FBXO7: variants seen among roughly 807,000 people sequenced by gnomAD.
FBXO7 encodes F-box only protein 7.
FBXO7 carries 31 observed loss-of-function variants against 50.2 expected under a neutral mutation model. That is an observed-to-expected ratio of 0.62 (90% CI 0.46 to 0.83). The LOEUF is 0.83. Ranked by LOEUF, FBXO7 falls within the 40% of genes least tolerant of loss-of-function variation. The probability of loss-of-function intolerance (pLI) is 0.00; values close to 1 mark genes in which losing one functional copy is unlikely to be tolerated. For synonymous variants in FBXO7, 256 were observed against 253.1 expected (o/e 1.01, Z -0.11); for missense variants, 667 against 646.6 (o/e 1.03, Z -0.34).
At chr22:32,484,196 G>T in intron 3 of FBXO7, 72 bp downstream of exon 3, 1 of 1,371,556 alleles carries the variant, frequency 7.3e-7, no homozygotes, top group Admixed American at 1.7e-5. Context: ...CTCTCAAGTT[G>T]CCCGTAGTCT....
chr22:32,487,763 A>T lies in FBXO7; in HGVS notation c.806A>T (p.Asn269Ile). Residue 269 changes from asparagine to isoleucine, a missense_variant, in exon 5 of 9, where the codon AAT becomes ATT. Transcript: ENST00000266087. ...TTTACAGCTACACTAAAAATCAACA[A>T]TGAGATTAGAAGTGTGAAAAGATTG... The part of the protein sequence containing the change: ...IVVNATLKIN[N>I]EIRSVKRLQL... The T allele has an allele frequency of 6.2e-7, 1 of 1,607,938 alleles. No homozygotes were observed.
At chr22:32,476,039 G>A (rs2057426309) in intron 1 of FBXO7, 1 of 152,108 alleles carries the variant, frequency 6.6e-6, no homozygotes, top group Non-Finnish European at 1.5e-5. Flanking sequence ...GATGTTCCCT[G>A]GGGATTTTTA....
intron 6 of FBXO7, chr22:32,491,704 T>C (rs2057538369): frequency 6.6e-6 from 1 of 151,968 alleles, no homozygotes; most frequent in Admixed American, 6.6e-5. Context: ...AGGCACTTAG[T>C]TGGATATTTC....
At chr22:32,479,888 A>G (rs530695556) in intron 2 of FBXO7, among the ~76,000 whole-genome samples, 145 of 152,236 alleles carry the variant, frequency 9.5e-4, no homozygotes, top group African/African-American at 3.4e-3. Context: ...TGGTCCGCTC[A>G]TTAAGGCTAT....
At chr22:32,485,996 G>A (rs1333253927) in intron 4 of FBXO7, among the ~76,000 whole-genome samples, 1 of 152,146 alleles carries the variant, frequency 6.6e-6, no homozygotes, top group African/African-American at 2.4e-5. Context: ...TGGGAGGGCT[G>A]CGTTTGTTGT....
chr22:32,497,057 G>T (rs2057579731), intron 8 of FBXO7, among the ~76,000 whole-genome samples: 1 of 152,246 alleles, frequency 6.6e-6, no homozygotes, highest in African/African-American at 2.4e-5. Flanking sequence ...AGAATTAGAA[G>T]TGGAGCCTGA....
intron 4 of FBXO7, among the ~76,000 whole-genome samples, chr22:32,485,741 A>T (rs1022077434): frequency 4.6e-5 from 7 of 152,170 alleles, no homozygotes; most frequent in African/African-American, 1.7e-4. Flanking sequence ...GCCTCCCCCA[A>T]CAAATGTCAC....
chr22:32,481,370 C>T (rs2057463802), intron 2 of FBXO7, among the ~76,000 whole-genome samples: 11 of 152,120 alleles, frequency 7.2e-5, no homozygotes, highest in Admixed American at 7.2e-4. Flanking sequence ...GGGGCCATTA[C>T]TTTTACTTCT....
chr22:32,478,433 C>A (rs1007282958), intron 1 of FBXO7, among the ~76,000 whole-genome samples: 1 of 152,128 alleles, frequency 6.6e-6, no homozygotes, highest in Non-Finnish European at 1.5e-5. Flanking sequence ...AAAATTTGTG[C>A]ATCTTAGAAT....
intron 2 of FBXO7, among the ~76,000 whole-genome samples, chr22:32,481,140 A>G (rs2057462236): frequency 6.6e-6 from 1 of 152,076 alleles, no homozygotes; most frequent in Admixed American, 6.6e-5. Flanking sequence ...TCATGGCATT[A>G]AGTATAGACA....
Position 32,493,041 on chromosome 22 carries a change from ATG to A in FBXO7, c.968-61_968-60del, listed in dbSNP as rs759310359. 9.3e-6 allele frequency: 14 copies of A among 1,501,342 alleles called. No individual in the cohort carries two copies. The African/African-American group carries it at 1.8e-4, about 19-fold the overall frequency. 93.0% of individuals were successfully genotyped at this position (1,501,342 alleles called of 1,614,324 possible). On this transcript the variant is annotated intron_variant, in intron 6 of 8. Coordinates refer to ENST00000266087, the MANE Select transcript of FBXO7 (RefSeq NM_012179.4). ...GGAACAAGTGGCAACTTTGTTGACT[ATG>A]TGGAGAAAGCCAGATGTTCTTTACT...
intron 6 of FBXO7, 115 bp downstream of exon 6, chr22:32,491,296 TC>T: frequency 1.3e-6 from 1 of 764,016 alleles, no homozygotes; most frequent in East Asian, 2.7e-5. Context: ...GGCGAAATGT[TC>T]CTCTTCTAAG....
At chr22:32,479,581 G>T (rs941336098) in intron 2 of FBXO7, among the ~76,000 whole-genome samples, 1 of 152,102 alleles carries the variant, frequency 6.6e-6, no homozygotes, top group East Asian at 1.9e-4. Context: ...ATTTTTAGTA[G>T]AGACGGGGTT....
At chr22:32,486,814 C>A (rs1388497495) in intron 4 of FBXO7, among the ~76,000 whole-genome samples, 1 of 152,306 alleles carries the variant, frequency 6.6e-6, no homozygotes, top group African/African-American at 2.4e-5. Flanking sequence ...GTAGCTTTTA[C>A]TTTGGCATTC....
chr22:32,495,476 T>C lies in FBXO7; in HGVS notation c.1145-17T>C. The stretch of plus-strand genomic sequence containing the variant: ...TGAAATGTTTTTAAATCCTTATTTT[T>C]CCCTTTTCCTTTGTAGACAATACTG... On this transcript the variant is annotated splice_polypyrimidine_tract_variant and intron_variant, in intron 7 of 8. Transcript: ENST00000266087. The C allele has an allele frequency of 6.4e-7, 1 of 1,555,930 alleles. No homozygotes were observed.
intron 2 of FBXO7, among the ~76,000 whole-genome samples, chr22:32,481,811 T>C (rs1039614663): frequency 2.1e-4 from 32 of 152,204 alleles, no homozygotes; most frequent in Admixed American, 1.9e-3. Flanking sequence ...TCATGCATCT[T>C]AGTCACTTGT....
chr22:32,498,755 T>TG lies in FBXO7; in HGVS notation c.*226dup. On this transcript the variant is annotated 3_prime_UTR_variant, in exon 9 of 9. Transcript: ENST00000266087. ...GGGAATAGTTGGCTGCCAATCTCCC[T>TG]GCTCTTGGTTCTCCTCTAGATTGAA... 1.7e-6 allele frequency: 1 copy of TG among 588,202 alleles called. No homozygotes were observed. Among genetic ancestry groups the TG allele is most frequent in the South Asian group, 2.0e-5 (1 of 48,976 alleles). 36.4% of individuals were successfully genotyped at this position (588,202 alleles called of 1,614,324 possible). A position where few individuals can be genotyped will look rare whatever the true frequency, so the allele number is the denominator to read the frequency against.
intron 1 of FBXO7, 128 bp downstream of exon 1, chr22:32,475,252 C>A: frequency 6.5e-7 from 1 of 1,543,354 alleles, no homozygotes; most frequent in Non-Finnish European, 8.7e-7. Context: ...AGTGCGGGGA[C>A]GCCGGGGGGG....
chr22:32,498,193 T>A lies in FBXO7; in HGVS notation c.1232T>A (p.Phe411Tyr). Residue 411 changes from phenylalanine (F) to tyrosine (Y), a missense_variant, in exon 9 of 9, where the codon TTT becomes TAT. Transcript: ENST00000266087. ...AGAAAAGAATCCCCGAAAGGGCGGTTTGTGATGCTCCTGCCATCGTCAACT... is the reference window on the plus strand; with the variant it reads ...AGAAAAGAATCCCCGAAAGGGCGGTATGTGATGCTCCTGCCATCGTCAACT... ...IQRKESPKGR[F>Y]VMLLPSSTHT... is the part of the protein sequence containing the mutation. 1 of 1,614,214 alleles carries A rather than the reference T, an allele frequency of 6.2e-7. No individual in the cohort carries two copies. The highest frequency in any genetic ancestry group is 8.5e-7 in the Non-Finnish European group (1 of 1,180,038).
Sources: allele counts gnomAD v4.1 joint callset (sites outside exome capture counted in the v4.1 genomes callset), GRCh38; gene constraint gnomAD v4.1.1; transcripts MANE v1.5; gene names NCBI Gene and HGNC (gene_info 2026-07-23, HGNC 2026-07-21).